NDST1: variants seen among roughly 807,000 people sequenced by gnomAD.
The protein encoded by NDST1 is N-deacetylase and N-sulfotransferase 1, also known as bifunctional heparan sulfate N-deacetylase/N-sulfotransferase 1.
A neutral mutation model predicts 92.8 loss-of-function variants in NDST1; 35 were observed. The observed-to-expected ratio is 0.38, with a 90% confidence interval of 0.29 to 0.50. The LOEUF is 0.50. Among genes scored for constraint, NDST1 ranks in the 20% least tolerant of loss-of-function variants. NDST1 has a pLI of 0.94. For missense variants in NDST1, 822 were observed against 1,182.7 expected (o/e 0.69, Z 4.47); for synonymous variants, 493 against 500.3 (o/e 0.99, Z 0.19).
intron 2 of NDST1, among the ~76,000 whole-genome samples, chr5:150,527,363 A>C (rs990118608): frequency 3.9e-5 from 6 of 152,146 alleles, no homozygotes; most frequent in Non-Finnish European, 7.4e-5. Context: ...CCACTCCTGG[A>C]GTTACTTTCT....
chr5:150,509,062 CCT>C (rs1753595622), intron 1 of NDST1, among the ~76,000 whole-genome samples: 1 of 152,086 alleles, frequency 6.6e-6, no homozygotes, highest in Non-Finnish European at 1.5e-5. Flanking sequence ...CCTCTCATCC[CCT>C]GATGAGAGGA....
In NDST1 at chr5:150,521,739, A is replaced by G. The variant is rs1754244423; in HGVS notation, c.485A>G (p.Tyr162Cys). Reference sequence around the variant, plus strand: ...CTGCTGGACAAGTACTGTGTGGCCTACGGCGTGGGCATCATTGGCTTCTTC... The same window carrying G: ...CTGCTGGACAAGTACTGTGTGGCCTGCGGCGTGGGCATCATTGGCTTCTTC... ...RELLDKYCVA[Y>C]GVGIIGFFKA... is the part of the protein sequence containing the mutation. The change falls in exon 2 of 15, where the codon TAC becomes TGC. Residue 162 changes from tyrosine (Y) to cysteine (C), a missense_variant. Transcript: ENST00000261797. The surrounding 1 kb of genome is among the most constrained non-coding windows in gnomAD (Gnocchi z 5.9). 8.1e-6 allele frequency: 13 copies of G among 1,613,912 alleles called. No homozygotes were observed. Among genetic ancestry groups the G allele is most frequent in the Non-Finnish European group, 1.1e-5 (13 of 1,180,030 alleles).
At chr5:150,519,327 C>G (rs1259949127) in intron 1 of NDST1, among the ~76,000 whole-genome samples, 1 of 152,212 alleles carries the variant, frequency 6.6e-6, no homozygotes, top group Non-Finnish European at 1.5e-5. Flanking sequence ...CTTGAATTCC[C>G]CCCTGGCCTC....
At chr5:150,519,773 A>G (rs558198752) in intron 1 of NDST1, among the ~76,000 whole-genome samples, 1 of 151,940 alleles carries the variant, frequency 6.6e-6, no homozygotes, top group South Asian at 2.1e-4. Context: ...TTTAAGGGAG[A>G]CTGGTAGACT....
At chr5:150,525,986 G>A (rs563742294) in intron 2 of NDST1, among the ~76,000 whole-genome samples, 1 of 152,334 alleles carries the variant, frequency 6.6e-6, no homozygotes, top group East Asian at 1.9e-4. Flanking sequence ...GCACCCTGCA[G>A]GCCTGGCTCC....
At chr5:150,503,844 T>C (rs1753335059), upstream of NDST1, among the ~76,000 whole-genome samples, 1 of 152,144 alleles carries the variant, frequency 6.6e-6, no homozygotes, top group Non-Finnish European at 1.5e-5. Flanking sequence ...ATAGGACCCC[T>C]TGTCTCTATA....
Position 150,548,289 on chromosome 5 carries a change from C to T in NDST1, c.2217C>T (p.Asp739=), listed in dbSNP as rs374191724. The T allele has an allele frequency of 2.8e-5, 46 of 1,614,038 alleles. No individual in the cohort carries two copies. Among genetic ancestry groups the T allele is most frequent in the South Asian group, 1.4e-4 (13 of 91,090 alleles). ...TFHEVITAGS[D]ASSKLRALQN... is the part of the protein sequence containing the mutation. Reference sequence around the variant, plus strand: ...ATGAGGTGATTACCGCCGGCTCTGACGCATCCTCGAAGCTGCGTGCCCTCC... The same window carrying T: ...ATGAGGTGATTACCGCCGGCTCTGATGCATCCTCGAAGCTGCGTGCCCTCC... Residue 739 remains aspartate (D), a synonymous_variant, in exon 12 of 15, where the codon GAC becomes GAT. Transcript: ENST00000261797.
At chr5:150,545,291 G>A (rs144600677) in intron 10 of NDST1, 21 bp from the exon 11 acceptor site, 8 of 1,614,010 alleles carry the variant, frequency 5.0e-6, no homozygotes, top group Non-Finnish European at 6.8e-6. Flanking sequence ...TCTGTGAGCC[G>A]CCTCTCTGGG....
At chr5:150,536,438 C>T (rs2909808) in intron 6 of NDST1, among the ~76,000 whole-genome samples, 23,767 of 151,274 alleles carry the variant, frequency 0.16, 2,286 homozygotes, top group South Asian at 0.23. Context: ...CCTGGGAGAT[C>T]GAGGCTGCAG....
Position 150,551,761 on chromosome 5 carries a change from C to G in NDST1, c.2435C>G (p.Pro812Arg). 1.9e-6 allele frequency: 3 copies of G among 1,612,920 alleles called. No homozygotes were observed. The highest frequency in any genetic ancestry group is 1.7e-6 in the Non-Finnish European group (2 of 1,179,164). ...IDYHKTLAFD[P>R]KKGFWCQLLE... The stretch of plus-strand genomic sequence containing the variant: ...CTTTCCCACCTCCACAGGTTTGATC[C>G]AAAGAAAGGATTTTGGTGCCAACTG... The change falls in exon 14 of 15, where the codon CCA becomes CGA. Residue 812 changes from proline (P) to arginine (R), a missense_variant. Coordinates refer to ENST00000261797, the MANE Select transcript of NDST1 (RefSeq NM_001543.5).
At chr5:150,505,583 T>C (rs113392218), upstream of NDST1, among the ~76,000 whole-genome samples, 2 of 152,152 alleles carry the variant, frequency 1.3e-5, no homozygotes, top group African/African-American at 4.8e-5. Context: ...GTATAATGTG[T>C]ATTCTGCCTG....
At chr5:150,525,278 G>A (rs1360820361) in intron 2 of NDST1, among the ~76,000 whole-genome samples, 1 of 152,210 alleles carries the variant, frequency 6.6e-6, no homozygotes, top group Non-Finnish European at 1.5e-5. Flanking sequence ...CAGTGACTTG[G>A]CTTCCTCCCT....
At chr5:150,518,298 C>A (rs1037998593) in intron 1 of NDST1, among the ~76,000 whole-genome samples, 1 of 151,878 alleles carries the variant, frequency 6.6e-6, no homozygotes, top group African/African-American at 2.4e-5. Context: ...AAACCCCCAT[C>A]CCATCCCCGT....
In NDST1 at chr5:150,551,840, C is replaced by T. The variant is rs1007411526; in HGVS notation, c.2514C>T (p.Pro838=). ...CLGKSKGRKY[P]EMDLDSRAFL... ...GCAAAAGCAAGGGCCGGAAATATCC[C>T]GAGATGGACTTGGATGTAAGTGGTG... Residue 838 remains proline (P), a synonymous_variant, in exon 14 of 15, where the codon CCC becomes CCT. Transcript: ENST00000261797. 18 of 1,613,188 alleles carry T rather than the reference C, an allele frequency of 1.1e-5. No individual in the cohort carries two copies. The highest frequency in any genetic ancestry group is 5.5e-5 in the South Asian group (5 of 91,050).
chr5:150,532,646 C>T lies in NDST1; in HGVS notation c.1009-299C>T, dbSNP rs185636538. 6.0e-4 allele frequency among the ~76,000 whole-genome samples: 91 copies of T among 152,316 alleles called. No homozygotes were observed. The East Asian group carries it at 7.3e-3, about 12-fold the overall frequency. On this transcript the variant is annotated intron_variant, in intron 3 of 14. Transcript: ENST00000261797. ...GGTTCAAGCGATTCTCCTGCCTCAG[C>T]TTCCCAAGTAGCTGGGATTACAGGC... is the stretch of plus-strand genomic sequence containing the variant.
chr5:150,553,802 A>G lies in NDST1; in HGVS notation c.*470A>G. The stretch of plus-strand genomic sequence containing the variant: ...TCCCTGTTTCGAGCCAGGCTCTTCC[A>G]AGGGGCCAGCTGGGTCCCCGGAGTC... On this transcript the variant is annotated 3_prime_UTR_variant, in exon 15 of 15. Transcript: ENST00000261797. The surrounding 1 kb of genome is among the most constrained non-coding windows in gnomAD (Gnocchi z 4.2). 2.2e-6 allele frequency: 1 copy of G among 451,140 alleles called. No individual in the cohort carries two copies. Among genetic ancestry groups the G allele is most frequent in the South Asian group, 3.2e-5 (1 of 31,188 alleles). 27.9% of individuals were successfully genotyped at this position (451,140 alleles called of 1,614,324 possible). A position where few individuals can be genotyped will look rare whatever the true frequency, so the allele number is the denominator to read the frequency against.
chr5:150,509,090 G>C (rs1753597565), intron 1 of NDST1, among the ~76,000 whole-genome samples: 1 of 152,156 alleles, frequency 6.6e-6, no homozygotes, highest in African/African-American at 2.4e-5. Flanking sequence ...ATGACTGGGA[G>C]GGAAGGACTG....
chr5:150,539,423 A>C, intron 7 of NDST1, 67 bp downstream of exon 7: 3 of 1,610,844 alleles, frequency 1.9e-6, no homozygotes, highest in Non-Finnish European at 2.5e-6. Context: ...TGCAGCTGAC[A>C]CAGGCTTCCT....
intron 1 of NDST1, among the ~76,000 whole-genome samples, chr5:150,500,008 C>G (rs1753161447): frequency 6.6e-6 from 1 of 152,212 alleles, no homozygotes; most frequent in Admixed American, 6.5e-5. Context: ...TGTGCTTTCT[C>G]CTCCTAGAGT....
Sources: gnomAD v4.1 joint callset for allele counts (sites outside exome capture counted in the v4.1 genomes callset) on GRCh38, gnomAD v4.1.1 for gene constraint, Gnocchi (gnomAD v3.1) non-coding constraint, MANE v1.5 for transcripts, NCBI Gene and HGNC (gene_info 2026-07-23, HGNC 2026-07-21) for gene names.